FHIP1B: variants seen among roughly 807,000 people sequenced by gnomAD.
The protein encoded by FHIP1B is FHF complex subunit HOOK-interacting protein 1B.
A neutral mutation model predicts 82.2 loss-of-function variants in FHIP1B; 28 were observed. The observed-to-expected ratio is 0.34, with a 90% confidence interval of 0.25 to 0.47. The LOEUF is 0.47. FHIP1B is among the 20% of genes least tolerant of loss of function. The pLI is 1.00. For missense variants in FHIP1B, 1,110 were observed against 1,262.6 expected (o/e 0.88, Z 1.83); for synonymous variants, 585 against 516.1 (o/e 1.13, Z -1.81).
intron 11 of FHIP1B, among the ~76,000 whole-genome samples, chr11:6,213,373 C>T (rs1590602710): frequency 6.6e-6 from 1 of 152,330 alleles, no homozygotes; most frequent in African/African-American, 2.4e-5. Flanking sequence ...ATGTCAATTC[C>T]TCCTTGCTCT....
At chr11:6,215,631 G>C (rs565886323) in intron 9 of FHIP1B, among the ~76,000 whole-genome samples, 15 of 152,340 alleles carry the variant, frequency 9.8e-5, no homozygotes, top group Non-Finnish European at 1.9e-4. Context: ...CGGTGGAACA[G>C]AATATGTAGT....
chr11:6,228,175 C>A (rs1847611121), intron 1 of FHIP1B, among the ~76,000 whole-genome samples: 1 of 152,150 alleles, frequency 6.6e-6, no homozygotes, highest in East Asian at 1.9e-4. Flanking sequence ...CGGTGAAACC[C>A]CATCTCTATT....
intron 1 of FHIP1B, among the ~76,000 whole-genome samples, chr11:6,232,201 T>G (rs1564872517): frequency 6.6e-6 from 1 of 151,714 alleles, no homozygotes; most frequent in African/African-American, 2.4e-5. Context: ...GAGTTTGGGA[T>G]AGCAAACAAT....
chr11:6,232,432 G>T (rs1847722505), intron 1 of FHIP1B, among the ~76,000 whole-genome samples: 1 of 152,008 alleles, frequency 6.6e-6, no homozygotes, highest in Non-Finnish European at 1.5e-5. Flanking sequence ...CTGTCTTTTG[G>T]AAATAGAACA....
intron 1 of FHIP1B, among the ~76,000 whole-genome samples, chr11:6,233,669 T>C (rs1379494066): frequency 1.3e-5 from 2 of 152,200 alleles, no homozygotes; most frequent in African/African-American, 2.4e-5. Flanking sequence ...TAGTACTGTA[T>C]AGGGCAAACC....
Position 6,222,534 on chromosome 11 carries a change from G to T in FHIP1B, c.1099C>A (p.Leu367Ile), listed in dbSNP as rs376823255. The T allele has an allele frequency of 6.2e-7, 1 of 1,613,992 alleles. No homozygotes were observed. Among genetic ancestry groups the T allele is most frequent in the Non-Finnish European group, 8.5e-7 (1 of 1,180,024 alleles). ...AACAGGAATCGCAGGAAGGTACGGA[G>T]CAAAGCAGGCTCTGAGATACTCCGT... Reference protein sequence around the residue: ...FLRSISEPALLRTFLRFLLLH... With the variant: ...FLRSISEPALIRTFLRFLLLH... Residue 367 changes from leucine to isoleucine, a missense_variant, in exon 6 of 12, where the codon CTC becomes ATC. Around this residue, in one of 6 missense-constraint regions of FHIP1B, gnomAD observed 467 missense variants for 602.9 expected, o/e 0.77. Transcript: ENST00000449352.
At position 6,223,267 on chromosome 11, in the gene FHIP1B, T is replaced by A; in HGVS notation, c.778-29A>T. ...TGAGAAGTTACCAAAAGCTCATATATAAAATACATTTATAAAATATAAAAA... is the reference window on the plus strand; with the variant it reads ...TGAGAAGTTACCAAAAGCTCATATAAAAAATACATTTATAAAATATAAAAA... On this transcript the variant is annotated intron_variant, in intron 3 of 11. Transcript: ENST00000449352. The surrounding 1 kb of genome is among the most constrained non-coding windows in gnomAD (Gnocchi z 4.8). 2.5e-6 allele frequency: 4 copies of A among 1,575,120 alleles called. No individual in the cohort carries two copies. Among genetic ancestry groups the A allele is most frequent in the Middle Eastern group, 1.9e-4 (1 of 5,192 alleles).
Position 6,211,764 on chromosome 11 carries a change from G to A in FHIP1B, c.2661C>T (p.Asp887=), listed in dbSNP as rs200759381. ...CCCCACTTAGGCCAAGTCCTGCTCC[G>A]TCTCGCCCAGGCTGAAGGACCAATT... ...AAQLVLQPGR[D]GAGLGLSGGS... Residue 887 remains aspartate, a synonymous_variant, in exon 12 of 12, where the codon GAC becomes GAT. Transcript: ENST00000449352. The A allele has an allele frequency of 4.1e-5, 66 of 1,614,190 alleles. No homozygotes were observed. Among genetic ancestry groups the A allele is most frequent in the Admixed American group, 8.3e-5 (5 of 60,014 alleles).
In FHIP1B at chr11:6,223,005, G is replaced by T; in HGVS notation, c.936+75C>A. The T allele has an allele frequency of 6.3e-7, 1 of 1,581,814 alleles. No homozygotes were observed. Among genetic ancestry groups the T allele is most frequent in the Non-Finnish European group, 8.6e-7 (1 of 1,157,990 alleles). On this transcript the variant is annotated intron_variant, in intron 4 of 11. Coordinates refer to ENST00000449352, the MANE Select transcript of FHIP1B (RefSeq NM_001098794.2). The surrounding 1 kb of genome is among the most constrained non-coding windows in gnomAD (Gnocchi z 4.8). ...CATCCTACTTCCAAGATGGAAAAAT[G>T]ACAGAACTCCAGGGAATATACCCCC... is the stretch of plus-strand genomic sequence containing the variant.
At chr11:6,233,884 GA>G (rs1425657345) in intron 1 of FHIP1B, among the ~76,000 whole-genome samples, 1 of 152,178 alleles carries the variant, frequency 6.6e-6, no homozygotes, top group African/African-American at 2.4e-5. Context: ...CGAAGGAACT[GA>G]AGTTTCTGTG....
rs1157600234 is a variant in FHIP1B at position 6,217,385 on chromosome 11, C to T, written c.2201G>A (p.Ser734Asn). Residue 734 changes from serine to asparagine, a missense_variant, in exon 9 of 12, where the codon AGC (serine) becomes AAC (asparagine). This residue lies in a region of FHIP1B where 418 missense variants were observed against 371.4 expected (regional missense o/e 1.13). Transcript: ENST00000449352. ...SPLRTLNQLP[S>N]QPFTGPFMAV... ...AAGTAGCTTACCAGTGAAGGGCTGGCTTGGCAGCTGGTTGAGAGTCCGCAA... is the reference window on the plus strand; with the variant it reads ...AAGTAGCTTACCAGTGAAGGGCTGGTTTGGCAGCTGGTTGAGAGTCCGCAA... 6.2e-7 allele frequency: 1 copy of T among 1,614,058 alleles called. No homozygotes were observed. The highest frequency in any genetic ancestry group is 1.1e-5 in the South Asian group (1 of 91,078).
chr11:6,214,320 A>AC, intron 11 of FHIP1B, 91 bp downstream of exon 11: 1 of 1,431,738 alleles, frequency 7.0e-7, no homozygotes, highest in Non-Finnish European at 9.4e-7. Flanking sequence ...AGGTCCTGGC[A>AC]CAACATTTCA....
Position 6,214,468 on chromosome 11 carries a change from A to C in FHIP1B, c.2500T>G (p.Leu834Val). ...GCTGCAGGGCCCTCAGCCCAGTCCAACTTGCCACGGGCAATGAGGTACTTC... is the reference window on the plus strand; with the variant it reads ...GCTGCAGGGCCCTCAGCCCAGTCCACCTTGCCACGGGCAATGAGGTACTTC... ...AKKYLIARGK[L>V]DWAEGPAAGP... The change falls in exon 11 of 12, where the codon TTG becomes GTG. Residue 834 changes from leucine (L) to valine (V), a missense_variant. By Grantham distance (32) the Leu-to-Val change is conservative (BLOSUM62 1). Coordinates refer to ENST00000449352, the MANE Select transcript of FHIP1B (RefSeq NM_001098794.2). The C allele has an allele frequency of 1.2e-6, 2 of 1,614,076 alleles. No homozygotes were observed. The highest frequency in any genetic ancestry group is 2.7e-5 in the African/African-American group (2 of 75,056).
intron 6 of FHIP1B, among the ~76,000 whole-genome samples, chr11:6,222,007 A>C (rs1847422143): frequency 6.6e-6 from 1 of 152,228 alleles, no homozygotes; most frequent in Non-Finnish European, 1.5e-5. Flanking sequence ...ATAGTTCAAA[A>C]GCAGCAAATC....
rs1171627172 is a variant in FHIP1B, at chr11:6,223,915, G to C, written c.472C>G (p.Leu158Val). The change falls in exon 3 of 12, where the codon CTG becomes GTG. Residue 158 changes from leucine to valine, a missense_variant. Leu to Val is a conservative substitution (Grantham distance 32). Around this residue, in one of 6 missense-constraint regions of FHIP1B, gnomAD observed 467 missense variants for 602.9 expected, o/e 0.77. Coordinates refer to ENST00000449352, the MANE Select transcript of FHIP1B (RefSeq NM_001098794.2). The surrounding 1 kb of genome is among the most constrained non-coding windows in gnomAD (Gnocchi z 4.8). The part of the protein sequence containing the change: ...HGPVREALLT[L>V]LDACGRPVPS... The stretch of plus-strand genomic sequence containing the variant: ...ACAGGGCGGCCACAGGCATCCAGCA[G>C]GGTGAGCAGAGCCTCACGAACTGGA... 1.2e-6 allele frequency: 2 copies of C among 1,614,212 alleles called. No individual in the cohort carries two copies. The highest frequency in any genetic ancestry group is 1.6e-4 in the Middle Eastern group (1 of 6,062).
At chr11:6,229,903 T>C (rs1160022708) in intron 1 of FHIP1B, among the ~76,000 whole-genome samples, 2 of 151,342 alleles carry the variant, frequency 1.3e-5, no homozygotes, top group African/African-American at 4.9e-5. Context: ...CTCTCTGCAA[T>C]GTTCAGAACA....
chr11:6,232,808 A>C (rs1028817144), intron 1 of FHIP1B, among the ~76,000 whole-genome samples: 6 of 152,220 alleles, frequency 3.9e-5, no homozygotes, highest in Non-Finnish European at 5.9e-5. Context: ...ATAATTTTTA[A>C]AATTAAAAAT....
chr11:6,228,605 T>C (rs946876123), intron 1 of FHIP1B, among the ~76,000 whole-genome samples: 8 of 152,194 alleles, frequency 5.3e-5, no homozygotes, highest in Non-Finnish European at 1.2e-4. Context: ...GGATGCTACT[T>C]CAGGCAAATC....
intron 6 of FHIP1B, among the ~76,000 whole-genome samples, chr11:6,221,900 G>A (rs325618): frequency 0.3 from 45,816 of 152,014 alleles, 9,511 homozygotes; most frequent in African/African-American, 0.59. Flanking sequence ...TGTATCCCCA[G>A]CACCAGCAAA....
Sources: allele counts gnomAD v4.1 joint callset (sites outside exome capture counted in the v4.1 genomes callset), GRCh38; gene constraint gnomAD v4.1.1; regional missense constraint gnomAD v4.1.1; non-coding constraint Gnocchi (gnomAD v3.1); transcripts MANE v1.5; gene names NCBI Gene and HGNC (gene_info 2026-07-23, HGNC 2026-07-21).